The following KCNIP4 variants were observed in gnomAD, a reference collection of about 807,000 sequenced individuals.
KCNIP4 encodes the protein potassium voltage-gated channel interacting protein 4, also known as Kv channel-interacting protein 4.
Under a neutral mutation model 34.0 loss-of-function variants are expected in KCNIP4, and 12 were observed. The observed-to-expected ratio is 0.35, with a 90% CI of 0.23 to 0.57. The LOEUF (loss-of-function observed/expected upper bound fraction) is 0.57. KCNIP4 is among the 20% of genes least tolerant of loss of function. The pLI, the probability that KCNIP4 is intolerant of heterozygous loss-of-function variation, is 0.83. For synonymous variants in KCNIP4, 124 were observed against 102.2 expected, an observed-to-expected ratio of 1.21 and a Z score of -1.29; for missense variants, 238 against 311.7, an observed-to-expected ratio of 0.76 and a Z score of 1.78.
At chr4:21,087,191 T>TGTGTGTGTGTG (rs1560709074) in intron 1 of KCNIP4, among the ~76,000 whole-genome samples, 12 of 146,928 alleles carry the variant, frequency 8.2e-5, no homozygotes, top group East Asian at 2.0e-4. Context: ...TGTGTGTGTG[T>TGTGTGTGTGTG]TTTGAGACAG....
chr4:21,142,042 T>A (rs1308614768), intron 1 of KCNIP4, among the ~76,000 whole-genome samples: 1 of 150,248 alleles, frequency 6.7e-6, no homozygotes, highest in African/African-American at 2.5e-5. Context: ...TCCCAGCTAC[T>A]CGGGAGGCTG....
chr4:21,895,313 A>G lies in KCNIP4; in HGVS notation c.61+53258T>C, dbSNP rs1277297543. Among the ~76,000 whole-genome samples, 4 of 152,188 alleles carry G rather than the reference A, an allele frequency of 2.6e-5. No homozygotes were observed. The East Asian group carries it at 7.7e-4, about 29-fold the overall frequency. ...CTTTTTCTCTAGGTATGTGATAAGG[A>G]CAAAAGATAAAACTCTCTCAAATGG... is the stretch of plus-strand genomic sequence containing the variant. On this transcript the variant is annotated intron_variant, in intron 1 of 8. Coordinates refer to ENST00000382152, the MANE Select transcript of KCNIP4 (RefSeq NM_025221.6).
chr4:21,353,267 TAATGGAAC>T (rs1473153133), intron 1 of KCNIP4, among the ~76,000 whole-genome samples: 1 of 152,098 alleles, frequency 6.6e-6, no homozygotes, highest in East Asian at 1.9e-4. Context: ...TCCTCACCTG[TAATGGAAC>T]AATGCTGGAT....
At chr4:21,172,554 T>G (rs1754089708) in intron 1 of KCNIP4, among the ~76,000 whole-genome samples, 1 of 152,212 alleles carries the variant, frequency 6.6e-6, no homozygotes, top group East Asian at 1.9e-4. Context: ...AGATGTAATG[T>G]CCCTAAGGAA....
At chr4:21,727,314 G>A (rs992291354) in intron 1 of KCNIP4, among the ~76,000 whole-genome samples, 3 of 151,978 alleles carry the variant, frequency 2.0e-5, no homozygotes, top group African/African-American at 7.2e-5. Context: ...TCCACCATGT[G>A]AGGACACAGT....
intron 1 of KCNIP4, among the ~76,000 whole-genome samples, chr4:21,826,730 A>C (rs1240451465): frequency 6.6e-6 from 1 of 152,148 alleles, no homozygotes; most frequent in Non-Finnish European, 1.5e-5. Context: ...AGTTGGAGAA[A>C]AATCTGTGCT....
At chr4:21,647,863 CTTTTTTTTTTTT>C (rs10539950) in intron 1 of KCNIP4, among the ~76,000 whole-genome samples, 1 of 60,178 alleles carries the variant, frequency 1.7e-5, no homozygotes, top group Admixed American at 2.6e-4. Flanking sequence ...TACAATGATG[CTTTTTTTTTTTT>C]TTTTTTTTTT....
intron 1 of KCNIP4, among the ~76,000 whole-genome samples, chr4:21,780,894 C>G (rs922309754): frequency 2.0e-5 from 3 of 152,158 alleles, no homozygotes; most frequent in Admixed American, 6.5e-5. Context: ...CAGGTAACCC[C>G]AGTCCATCCT....
intron 1 of KCNIP4, among the ~76,000 whole-genome samples, chr4:21,593,685 G>A (rs2109101403): frequency 6.6e-6 from 1 of 152,118 alleles, no homozygotes; most frequent in African/African-American, 2.4e-5. Flanking sequence ...CCCACACCTT[G>A]TTTAAGAGGA....
rs1300790348 is a variant in KCNIP4, at chr4:20,802,114, ATATATATGCTATATATATGC to A, written c.289-43244_289-43225del. Among the ~76,000 whole-genome samples the A allele has an allele frequency of 5.9e-3, 873 of 146,816 alleles. 6 individuals are homozygous for A. The highest frequency in any genetic ancestry group is 0.011 in the Admixed American group (158 of 14,622). ...TATACATATTGCATATATATATGCT[ATATATATGCTATATATATGC>A]TATATATGCTATATATATGCTATAT... is the stretch of plus-strand genomic sequence containing the variant. On this transcript the variant is annotated intron_variant, in intron 3 of 8. Transcript: ENST00000382152.
chr4:21,850,421 G>A (rs1361169579), intron 1 of KCNIP4: 1 of 152,028 alleles, frequency 6.6e-6, no homozygotes, highest in African/African-American at 2.4e-5. Flanking sequence ...GGTTTAATGG[G>A]TTTTAATGGC....
At chr4:21,743,214 G>C (rs527237404) in intron 1 of KCNIP4, among the ~76,000 whole-genome samples, 59 of 152,140 alleles carry the variant, frequency 3.9e-4, no homozygotes, top group Admixed American at 6.5e-4. Context: ...GGTCTAATTG[G>C]GATAAAATCA....
At chr4:21,776,089 T>G (rs1719156971) in intron 1 of KCNIP4, among the ~76,000 whole-genome samples, 1 of 152,200 alleles carries the variant, frequency 6.6e-6, no homozygotes, top group Non-Finnish European at 1.5e-5. Flanking sequence ...AAGTGGGATC[T>G]TCCAATCCAT....
At chr4:21,461,942 A>G (rs1208610327) in intron 1 of KCNIP4, among the ~76,000 whole-genome samples, 1 of 152,024 alleles carries the variant, frequency 6.6e-6, no homozygotes, top group East Asian at 1.9e-4. Context: ...AATTGTTCAT[A>G]TTTATAAAGT....
chr4:21,044,183 C>T (rs116270202), intron 1 of KCNIP4, among the ~76,000 whole-genome samples: 2,892 of 152,258 alleles, frequency 0.019, 54 homozygotes, highest in Non-Finnish European at 0.025. Context: ...ATCTCCACTA[C>T]CATCTTCTCC....
chr4:21,879,266 G>A (rs942202520), intron 1 of KCNIP4, among the ~76,000 whole-genome samples: 3 of 152,140 alleles, frequency 2.0e-5, no homozygotes, highest in Non-Finnish European at 2.9e-5. Context: ...AAGCATAGTT[G>A]AACTCTTAGT....
intron 1 of KCNIP4, among the ~76,000 whole-genome samples, chr4:21,106,201 A>C (rs1202205719): frequency 1.4e-5 from 2 of 147,546 alleles, no homozygotes; most frequent in Non-Finnish European, 3.0e-5. Flanking sequence ...CTCTGGTAGA[A>C]TTCGGCTGTG....
At chr4:21,643,867 TG>T (rs531634881) in intron 1 of KCNIP4, among the ~76,000 whole-genome samples, 13,384 of 128,108 alleles carry the variant, frequency 0.1, 701 homozygotes, top group South Asian at 0.14. Flanking sequence ...GTGATGATGA[TG>T]ATGATAGATA....
At chr4:21,070,298 T>C (rs967130918) in intron 1 of KCNIP4, among the ~76,000 whole-genome samples, 2 of 152,184 alleles carry the variant, frequency 1.3e-5, no homozygotes, top group Admixed American at 6.6e-5. Flanking sequence ...TGAACAATCA[T>C]GTGCAGATTG....
Sources: allele counts gnomAD v4.1 joint callset (sites outside exome capture counted in the v4.1 genomes callset), GRCh38; gene constraint gnomAD v4.1.1; transcripts MANE v1.5; gene names NCBI Gene and HGNC (gene_info 2026-07-23, HGNC 2026-07-21).